Variants in TDRD12 observed in about 807,000 individuals in gnomAD.
TDRD12 encodes tudor domain containing 12.
In TDRD12, 158 loss-of-function variants were observed where a neutral mutation model predicts 133.5. The ratio of observed to expected loss-of-function variants is 1.18; its 90% confidence interval spans 1.04 to 1.35. The LOEUF is 1.35. Among genes scored for constraint, TDRD12 ranks in the 40% most tolerant of loss-of-function variants. The pLI, the probability that TDRD12 is intolerant of heterozygous loss-of-function variation, is 0.00. For synonymous variants in TDRD12, 460 were observed against 477.9 expected (o/e 0.96, Z 0.49); for missense variants, 1,443 against 1,321.3 (o/e 1.09, Z -1.43).
At chr19:32,800,892 CA>C in intron 18 of TDRD12, 120 bp downstream of exon 18, 1 of 1,066,176 alleles carries the variant, frequency 9.4e-7, no homozygotes, top group South Asian at 2.0e-5. Context: ...ACAAGTTTAA[CA>C]TCAATCAGAA....
intron 1 of TDRD12, among the ~76,000 whole-genome samples, chr19:32,725,632 T>G (rs1391677536): frequency 6.6e-6 from 1 of 152,194 alleles, no homozygotes; most frequent in Non-Finnish European, 1.5e-5. Context: ...GTAGTATAGT[T>G]TGAAGTTGGG....
chr19:32,800,387 G>A (rs1258524469), intron 17 of TDRD12, 29 bp downstream of exon 17: 1 of 900,286 alleles, frequency 1.1e-6, no homozygotes, highest in Non-Finnish European at 1.5e-6. Flanking sequence ...GTATGTGTAT[G>A]TGTGTGTGTG....
intron 8 of TDRD12, among the ~76,000 whole-genome samples, chr19:32,766,733 G>A (rs950526450): frequency 2.0e-5 from 3 of 151,842 alleles, no homozygotes; most frequent in Non-Finnish European, 4.4e-5. Flanking sequence ...TCCTGCCTTA[G>A]CCTCCCGAGT....
Position 32,731,900 on chromosome 19 carries a change from T to G in TDRD12, c.183+17T>G. ...GAAGGACAGGTATGTATCTAAATGT[T>G]CTTTAATCACTGTGTATTGAAACAC... is the stretch of plus-strand genomic sequence containing the variant. On this transcript the variant is annotated intron_variant, in intron 2 of 27. Coordinates refer to ENST00000444215, the Ensembl canonical transcript of TDRD12. 6.6e-7 allele frequency: 1 copy of G among 1,523,856 alleles called. No homozygotes were observed. The highest frequency in any genetic ancestry group is 8.8e-7 in the Non-Finnish European group (1 of 1,137,012). 94.4% of individuals were successfully genotyped at this position (1,523,856 alleles called of 1,614,324 possible).
chr19:32,777,488 C>T (rs1970615942), intron 11 of TDRD12, among the ~76,000 whole-genome samples: 1 of 151,958 alleles, frequency 6.6e-6, no homozygotes, highest in African/African-American at 2.4e-5. Flanking sequence ...GTGAAGTGAA[C>T]AGTGTCACAA....
At chr19:32,827,372 CTTTTT>C (rs549327733) in exon 10 of TDRD12, 402 of 122,126 alleles carry the variant, frequency 3.3e-3, no homozygotes, top group East Asian at 0.011. Flanking sequence ...CTTTTCTTTT[CTTTTT>C]TTTTTTTTTT....
At chr19:32,755,031 T>C (rs1388888567) in intron 6 of TDRD12, among the ~76,000 whole-genome samples, 14 of 152,232 alleles carry the variant, frequency 9.2e-5, no homozygotes, top group Admixed American at 9.2e-4. Flanking sequence ...CAACAGGATG[T>C]GTCCCAAGGT....
chr19:32,721,679 CTATTT>C (rs58024880), intron 1 of TDRD12, among the ~76,000 whole-genome samples: 22,795 of 125,970 alleles, frequency 0.18, 2,231 homozygotes, highest in African/African-American at 0.25. Context: ...CGTGCCTGGC[CTATTT>C]TATTTTATTT....
intron 1 of TDRD12, among the ~76,000 whole-genome samples, chr19:32,728,222 A>G (rs1968920537): frequency 6.6e-6 from 1 of 151,382 alleles, no homozygotes. Context: ...TTCTTTTTTG[A>G]TATTGTTTTG....
chr19:32,784,540 T>C (rs1326722686), intron 11 of TDRD12, among the ~76,000 whole-genome samples: 4 of 152,182 alleles, frequency 2.6e-5, no homozygotes. Flanking sequence ...TTTCTGTTGA[T>C]TGGAATAGTT....
rs1017285039 is a variant in TDRD12 at position 32,738,822 on chromosome 19, A to C, written c.184-34A>C. On this transcript the variant is annotated intron_variant, in intron 2 of 27. Coordinates refer to ENST00000444215, the Ensembl canonical transcript of TDRD12. ...AGTAACACTCTGTCTCAAAAAAATA[A>C]ATAAATAAAAATAACTCTCTGTTTA... 13 of 1,544,452 alleles carry C rather than the reference A, an allele frequency of 8.4e-6. No homozygotes were observed. In the African/African-American group the frequency reaches 1.8e-4, roughly 21 times the overall value.
chr19:32,770,315 T>A (rs1481392746), intron 8 of TDRD12, among the ~76,000 whole-genome samples: 1 of 152,114 alleles, frequency 6.6e-6, no homozygotes, highest in Non-Finnish European at 1.5e-5. Flanking sequence ...CCTCTTTTTG[T>A]GTTTTCTATT....
chr19:32,757,127 C>T lies in TDRD12; in HGVS notation c.862C>T (p.Gln288Ter). Residue 288 changes from glutamine (Q) to a stop codon, truncating the protein, a stop_gained, in exon 8 of 28, where the codon CAG becomes TAG. Transcript: ENST00000444215. LOFTEE classifies it high-confidence loss of function. ...TGACCTCAGGCCAACAGCCACAGCA[C>T]AGGGTGAGTTCTGCTAATGTGGTTT... is the stretch of plus-strand genomic sequence containing the variant. The T allele has an allele frequency of 6.4e-7, 1 of 1,550,800 alleles. No homozygotes were observed. Among genetic ancestry groups the T allele is most frequent in the Non-Finnish European group, 8.7e-7 (1 of 1,146,088 alleles).
Position 32,757,175 on chromosome 19 carries a change from A to C in TDRD12, c.865+45A>C, listed in dbSNP as rs549494205. 8.6e-4 allele frequency: 1,227 copies of C among 1,431,624 alleles called. 14 individuals carry two copies. Among genetic ancestry groups the C allele is most frequent in the South Asian group, 7.8e-3 (619 of 79,152 alleles). The allele number at this position is 1,431,624 out of a possible 1,614,324, so 88.7% of individuals were successfully genotyped here. ...TTTATTTCATAGGCAGCATGAAAAA[A>C]ATATTCTTAGCTTTTTAAAGATTAG... On this transcript the variant is annotated intron_variant, in intron 8 of 27. Transcript: ENST00000444215.
intron 14 of TDRD12, among the ~76,000 whole-genome samples, chr19:32,796,401 A>G (rs1038964887): frequency 2.6e-5 from 4 of 152,154 alleles, no homozygotes; most frequent in Admixed American, 6.5e-5. Flanking sequence ...CCTGGCCAAC[A>G]TGGTGAAACC....
intron 11 of TDRD12, among the ~76,000 whole-genome samples, chr19:32,781,687 T>TTCTCTCTCTCTCTCTCTCTCTCTC: frequency 1.3e-5 from 2 of 148,382 alleles, no homozygotes; most frequent in African/African-American, 4.9e-5. Flanking sequence ...TCCTTTCCTT[T>TTCTCTCTCTCTCTCTCTCTCTCTC]TCTCTCTCTC....
At chr19:32,763,790 C>G (rs1473246713) in intron 8 of TDRD12, among the ~76,000 whole-genome samples, 1 of 152,158 alleles carries the variant, frequency 6.6e-6, no homozygotes, top group Admixed American at 6.6e-5. Flanking sequence ...TTCAGGTTTC[C>G]CTCCTCACTC....
At chr19:32,776,319 G>C (rs1311308604) in intron 10 of TDRD12, among the ~76,000 whole-genome samples, 1 of 152,216 alleles carries the variant, frequency 6.6e-6, no homozygotes, top group Non-Finnish European at 1.5e-5. Flanking sequence ...CCATCTCCCA[G>C]TTCCTCTGGC....
intron 13 of TDRD12, among the ~76,000 whole-genome samples, chr19:32,791,701 T>C (rs1971077424): frequency 6.6e-6 from 1 of 152,048 alleles, no homozygotes; most frequent in Non-Finnish European, 1.5e-5. Flanking sequence ...CTTGTATTGT[T>C]CTCAGCAGCA....
Sources: gnomAD v4.1 joint callset for allele counts (sites outside exome capture counted in the v4.1 genomes callset) on GRCh38, gnomAD v4.1.1 for gene constraint, MANE v1.5 for transcripts, NCBI Gene and HGNC (gene_info 2026-07-23, HGNC 2026-07-21) for gene names.